Variants in DCDC1 observed in about 807,000 individuals in gnomAD.
DCDC1 encodes doublecortin domain-containing protein 1.
DCDC1 carries 200 observed loss-of-function variants against 178.3 expected under a neutral mutation model. That is an observed-to-expected ratio of 1.12 (90% CI 1.00 to 1.26). The LOEUF (loss-of-function observed/expected upper bound fraction) is 1.26. Among genes scored for constraint, DCDC1 ranks in the 50% most tolerant of loss-of-function variants. DCDC1 has a pLI of 0.00. For missense variants in DCDC1, 1,983 were observed against 1,749.2 expected (o/e 1.13, Z -2.38); for synonymous variants, 690 against 604.8 (o/e 1.14, Z -2.07).
At chr11:31,060,179 T>C (rs1247672138) in intron 20 of DCDC1, among the ~76,000 whole-genome samples, 1 of 152,018 alleles carries the variant, frequency 6.6e-6, no homozygotes, top group East Asian at 1.9e-4. Flanking sequence ...ACATAATAAA[T>C]TGAGAACCAA....
intron 20 of DCDC1, among the ~76,000 whole-genome samples, chr11:31,055,868 T>A (rs1295651560): frequency 1.3e-5 from 2 of 151,812 alleles, no homozygotes; most frequent in South Asian, 2.1e-4. Flanking sequence ...GGGAGTGGGG[T>A]GAGGGACAAA....
At chr11:31,227,219 T>G (rs183827267) in intron 9 of DCDC1, among the ~76,000 whole-genome samples, 17 of 152,238 alleles carry the variant, frequency 1.1e-4, no homozygotes, top group African/African-American at 3.9e-4. Context: ...TGGCTCACAG[T>G]TCTGTAGACT....
chr11:30,970,099 C>T (rs1230201826), intron 20 of DCDC1, among the ~76,000 whole-genome samples: 2 of 152,150 alleles, frequency 1.3e-5, no homozygotes, highest in Non-Finnish European at 2.9e-5. Context: ...TGGAGAGGAT[C>T]CCCAGTGTGG....
intron 38 of DCDC1, among the ~76,000 whole-genome samples, chr11:30,877,536 T>A (rs369051792): frequency 6.6e-6 from 1 of 152,320 alleles, no homozygotes; most frequent in East Asian, 1.9e-4. Flanking sequence ...AAACCTTCCA[T>A]AATTTTTCTT....
chr11:31,252,022 A>G (rs895431668), intron 8 of DCDC1, among the ~76,000 whole-genome samples: 8 of 152,202 alleles, frequency 5.3e-5, no homozygotes, highest in Non-Finnish European at 1.2e-4. Flanking sequence ...TGAAAGAATG[A>G]AATCGTTTTT....
chr11:31,168,598 G>C (rs1401068331), intron 9 of DCDC1, among the ~76,000 whole-genome samples: 2 of 152,204 alleles, frequency 1.3e-5, no homozygotes, highest in African/African-American at 2.4e-5. Flanking sequence ...TGAGGAAGCA[G>C]TTTTCTACAA....
chr11:31,105,085 C>T (rs1476560393), intron 13 of DCDC1, among the ~76,000 whole-genome samples: 1 of 152,034 alleles, frequency 6.6e-6, no homozygotes, highest in African/African-American at 2.4e-5. Flanking sequence ...ATTTTCTCAA[C>T]ATATTTCAAA....
intron 9 of DCDC1, among the ~76,000 whole-genome samples, chr11:31,198,469 G>A (rs1167240520): frequency 6.6e-6 from 1 of 151,924 alleles, no homozygotes; most frequent in Non-Finnish European, 1.5e-5. Context: ...TCAATAATGA[G>A]AAAATAACAG....
chr11:30,997,843 T>C (rs1043904006), intron 20 of DCDC1, among the ~76,000 whole-genome samples: 1 of 152,060 alleles, frequency 6.6e-6, no homozygotes, highest in African/African-American at 2.4e-5. Flanking sequence ...GTACACACAC[T>C]AGCATCCAGA....
intron 17 of DCDC1, among the ~76,000 whole-genome samples, chr11:31,090,845 A>G (rs1957779955): frequency 6.6e-6 from 1 of 152,188 alleles, no homozygotes; most frequent in Non-Finnish European, 1.5e-5. Flanking sequence ...AGACCAAGAA[A>G]AAAGAAAGTG....
intron 1 of DCDC1, among the ~76,000 whole-genome samples, chr11:31,355,922 G>T (rs559943581): frequency 6.6e-6 from 1 of 152,024 alleles, no homozygotes; most frequent in Non-Finnish European, 1.5e-5. Flanking sequence ...TTCAATCAGG[G>T]ATGCTCCCAG....
At chr11:31,275,173 T>G (rs762040073) in intron 7 of DCDC1, among the ~76,000 whole-genome samples, 1 of 152,224 alleles carries the variant, frequency 6.6e-6, no homozygotes, top group African/African-American at 2.4e-5. Flanking sequence ...AAACTCATTT[T>G]AGTATAAATA....
intron 20 of DCDC1, among the ~76,000 whole-genome samples, chr11:31,047,445 G>A (rs1266128107): frequency 2.0e-5 from 3 of 151,966 alleles, no homozygotes; most frequent in Non-Finnish European, 4.4e-5. Flanking sequence ...ATTTTTTTCT[G>A]TTCATTAGTT....
chr11:30,903,560 G>T lies in DCDC1; in HGVS notation c.4432C>A (p.Leu1478Ile), dbSNP rs747320343. ...TTTTGTTTCTCAGAGTCTCTCTGGA[G>T]AAAGGATTCATCTAGAGCCCATAAA... ...LVLWALDESF[L>I]QRDSEKQKQD... The change falls in exon 32 of 39, where the codon CTC (leucine) becomes ATC (isoleucine). Residue 1478 changes from leucine (L) to isoleucine (I), a missense_variant. Leu to Ile is a conservative substitution (Grantham distance 5, BLOSUM62 2). Coordinates refer to ENST00000684477, the MANE Select transcript of DCDC1 (RefSeq NM_001387274.1). The T allele has an allele frequency of 2.5e-6, 4 of 1,608,250 alleles. No individual in the cohort carries two copies. In the South Asian group the frequency reaches 4.5e-5, roughly 18 times the overall value.
chr11:31,109,388 C>T (rs1367796854), intron 12 of DCDC1, among the ~76,000 whole-genome samples: 1 of 151,910 alleles, frequency 6.6e-6, no homozygotes, highest in Non-Finnish European at 1.5e-5. Flanking sequence ...CCTATGAAGG[C>T]CTTTGTGTCA....
At chr11:31,187,214 T>C (rs567294896) in intron 9 of DCDC1, among the ~76,000 whole-genome samples, 56 of 152,322 alleles carry the variant, frequency 3.7e-4, no homozygotes, top group Middle Eastern at 3.4e-3. Flanking sequence ...TAGTAAATAT[T>C]TGTTGAATGA....
At chr11:31,086,783 T>C (rs908882865) in intron 17 of DCDC1, among the ~76,000 whole-genome samples, 1 of 152,266 alleles carries the variant, frequency 6.6e-6, no homozygotes, top group Admixed American at 6.5e-5. Flanking sequence ...TTTTTATAAA[T>C]TGTTGTATTC....
intron 20 of DCDC1, among the ~76,000 whole-genome samples, chr11:31,025,278 T>C (rs80263134): frequency 6.6e-6 from 1 of 151,712 alleles, no homozygotes; most frequent in South Asian, 2.1e-4. Context: ...AAAGCTCCCA[T>C]CTCATCTGCT....
At chr11:31,052,825 C>T (rs1361395749) in intron 20 of DCDC1, among the ~76,000 whole-genome samples, 1 of 152,098 alleles carries the variant, frequency 6.6e-6, no homozygotes, top group African/African-American at 2.4e-5. Flanking sequence ...CTCTGGGATA[C>T]AGCAAAGGCA....
Sources: allele counts gnomAD v4.1 joint callset (sites outside exome capture counted in the v4.1 genomes callset), GRCh38; gene constraint gnomAD v4.1.1; transcripts MANE v1.5; gene names NCBI Gene and HGNC (gene_info 2026-07-23, HGNC 2026-07-21).